The following ZBTB7C variants were observed in gnomAD, a reference collection of about 807,000 sequenced individuals.
The protein encoded by ZBTB7C is zinc finger and BTB domain-containing protein 7C.
Under a neutral mutation model 25.7 loss-of-function variants are expected in ZBTB7C, and 8 were observed. The ratio of observed to expected loss-of-function variants is 0.31; its 90% CI spans 0.18 to 0.56. The LOEUF (loss-of-function observed/expected upper bound fraction) is 0.56, where lower values mean the gene tolerates loss of function less well. Ranked by LOEUF, ZBTB7C falls within the 20% of genes least tolerant of loss-of-function variation. The pLI is 0.91. For synonymous variants in ZBTB7C, 394 were observed against 369.0 expected (o/e 1.07, Z -0.78); for missense variants, 824 against 855.2 (o/e 0.96, Z 0.46).
At chr18:48,386,044 A>G (rs1433058311) in intron 1 of ZBTB7C, among the ~76,000 whole-genome samples, 1 of 152,152 alleles carries the variant, frequency 6.6e-6, no homozygotes, top group Non-Finnish European at 1.5e-5. Context: ...CTGGTTCCTT[A>G]CCCATTATCC....
chr18:48,266,232 G>A (rs1242260725), intron 2 of ZBTB7C, among the ~76,000 whole-genome samples: 2 of 152,118 alleles, frequency 1.3e-5, no homozygotes, highest in Non-Finnish European at 2.9e-5. Flanking sequence ...CCAACACCCA[G>A]GCCTCCGATC....
intron 1 of ZBTB7C, among the ~76,000 whole-genome samples, chr18:48,399,663 G>A (rs950867953): frequency 6.6e-6 from 1 of 152,172 alleles, no homozygotes. Context: ...TTTCCTGTCT[G>A]GGAGTTGGGG....
chr18:48,179,831 T>TCCTTCCTG (rs2041836747), intron 3 of ZBTB7C, among the ~76,000 whole-genome samples: 6 of 29,876 alleles, frequency 2.0e-4, no homozygotes, highest in Admixed American at 4.0e-4. Flanking sequence ...TCCCTTCCCT[T>TCCTTCCTG]CAAGGAAGAT....
intron 3 of ZBTB7C, among the ~76,000 whole-genome samples, chr18:48,155,066 C>G (rs1598985084): frequency 6.6e-6 from 1 of 152,174 alleles, no homozygotes; most frequent in East Asian, 1.9e-4. Context: ...CATTTGCCAT[C>G]TGGTCCCATG....
chr18:48,373,957 T>C (rs1371859770), intron 1 of ZBTB7C, among the ~76,000 whole-genome samples: 1 of 98,590 alleles, frequency 1.0e-5, no homozygotes, highest in Non-Finnish European at 2.3e-5. Context: ...CAAGACTCTG[T>C]CTCAAAAAAA....
At position 48,108,640 on chromosome 18, in the gene ZBTB7C, C is replaced by T. The variant is rs187428356; in HGVS notation, c.-16-67517G>A. Among the ~76,000 whole-genome samples, 44 of 152,202 alleles carry T rather than the reference C, an allele frequency of 2.9e-4. No homozygotes were observed. In the East Asian group the frequency reaches 8.1e-3, roughly 28 times the overall value. On this transcript the variant is annotated intron_variant, in intron 3 of 4. Coordinates refer to ENST00000590800, the MANE Select transcript of ZBTB7C (RefSeq NM_001318841.2). ...GTATTCCTGTAGAGACAGGGTCTTG[C>T]TTTGTTGCCCAGGCTGATCTCCTGG...
intron 3 of ZBTB7C, chr18:48,148,820 G>A (rs1409073685): frequency 6.6e-6 from 1 of 152,190 alleles, no homozygotes; most frequent in Non-Finnish European, 1.5e-5. Flanking sequence ...AAGTAATCAG[G>A]CCAAAGGTAA....
chr18:48,358,306 C>T (rs2047023747), intron 1 of ZBTB7C, among the ~76,000 whole-genome samples: 1 of 152,114 alleles, frequency 6.6e-6, no homozygotes, highest in Non-Finnish European at 1.5e-5. Flanking sequence ...GGGCTGAGAT[C>T]ATGCCACTGC....
chr18:48,031,946 G>C (rs1355710697), intron 4 of ZBTB7C, among the ~76,000 whole-genome samples: 3 of 152,068 alleles, frequency 2.0e-5, no homozygotes, highest in African/African-American at 7.2e-5. Flanking sequence ...GATATGTCTT[G>C]GGCCTCCACA....
intron 3 of ZBTB7C, among the ~76,000 whole-genome samples, chr18:48,105,817 C>T (rs1052422766): frequency 2.0e-5 from 3 of 152,186 alleles, no homozygotes; most frequent in African/African-American, 7.2e-5. Flanking sequence ...TAACAACTTG[C>T]TATTGCTATT....
chr18:48,238,849 C>T (rs1599165265), intron 2 of ZBTB7C, among the ~76,000 whole-genome samples: 1 of 152,274 alleles, frequency 6.6e-6, no homozygotes, highest in East Asian at 1.9e-4. Flanking sequence ...AGAGGTGGGG[C>T]CTGAAAGCCC....
chr18:48,031,736 C>A (rs1293171155), intron 4 of ZBTB7C, among the ~76,000 whole-genome samples: 2 of 152,228 alleles, frequency 1.3e-5, no homozygotes, highest in Non-Finnish European at 2.9e-5. Context: ...GGACCCCACA[C>A]TGAGAACCAC....
intron 1 of ZBTB7C, among the ~76,000 whole-genome samples, chr18:48,358,278 G>T (rs1446743836): frequency 6.6e-6 from 1 of 152,132 alleles, no homozygotes; most frequent in Non-Finnish European, 1.5e-5. Context: ...CTTGAACCTG[G>T]GAGGTGGAGG....
intron 2 of ZBTB7C, among the ~76,000 whole-genome samples, chr18:48,262,011 C>G (rs547274631): frequency 6.6e-6 from 1 of 151,728 alleles, no homozygotes. Flanking sequence ...TCTTCCCTAT[C>G]CTCTGGGACC....
chr18:48,270,299 C>T (rs2044440847), intron 2 of ZBTB7C, among the ~76,000 whole-genome samples: 1 of 127,576 alleles, frequency 7.8e-6, no homozygotes, highest in Middle Eastern at 5.4e-3. Flanking sequence ...CGCTCTGTTG[C>T]CAGGCTGGAG....
intron 3 of ZBTB7C, among the ~76,000 whole-genome samples, chr18:48,129,673 CG>C (rs1273955677): frequency 6.6e-6 from 1 of 152,188 alleles, no homozygotes; most frequent in African/African-American, 2.4e-5. Flanking sequence ...GGAGAGGCTC[CG>C]GGCACGGCAC....
chr18:48,325,897 C>G (rs2046206857), intron 2 of ZBTB7C, among the ~76,000 whole-genome samples: 1 of 152,046 alleles, frequency 6.6e-6, no homozygotes, highest in Admixed American at 6.5e-5. Flanking sequence ...CCACTGGATT[C>G]AGGACCCATA....
intron 2 of ZBTB7C, among the ~76,000 whole-genome samples, chr18:48,284,325 G>A (rs867785825): frequency 7.2e-5 from 11 of 152,082 alleles, no homozygotes; most frequent in Non-Finnish European, 1.5e-4. Context: ...TGTAATCCCA[G>A]CTACTTGGGA....
intron 1 of ZBTB7C, among the ~76,000 whole-genome samples, chr18:48,359,182 G>GC (rs908507124): frequency 1.3e-5 from 2 of 152,178 alleles, no homozygotes; most frequent in African/African-American, 2.4e-5. Flanking sequence ...AAGAGAACTA[G>GC]CTGGTGGCCA....
Sources: allele counts gnomAD v4.1 joint callset (sites outside exome capture counted in the v4.1 genomes callset), GRCh38; gene constraint gnomAD v4.1.1; transcripts MANE v1.5; gene names NCBI Gene and HGNC (gene_info 2026-07-23, HGNC 2026-07-21).